ADRA1A: variants seen among roughly 807,000 people sequenced by gnomAD.
ADRA1A encodes adrenoceptor alpha 1A.
In ADRA1A, 31 loss-of-function variants were observed where a neutral mutation model predicts 29.6. The observed-to-expected ratio is 1.05, with a 90% CI of 0.79 to 1.41. ADRA1A has a LOEUF of 1.41. ADRA1A is among the 40% of genes most tolerant of loss of function. ADRA1A has a pLI of 0.00. For missense variants in ADRA1A, 619 were observed against 601.1 expected (o/e 1.03, Z -0.31); for synonymous variants, 311 against 254.3 (o/e 1.22, Z -2.12).
chr8:26,767,683 G>A (rs555485351), downstream of ADRA1A, among the ~76,000 whole-genome samples: 3 of 152,190 alleles, frequency 2.0e-5, no homozygotes, highest in East Asian at 3.9e-4. Flanking sequence ...AAGCTTTCCC[G>A]TATCTAAAAT....
At chr8:26,766,050 A>T (rs531635341), downstream of ADRA1A, 2 of 1,613,662 alleles carry the variant, frequency 1.2e-6, no homozygotes, top group South Asian at 2.2e-5. Context: ...CTACCTGGAG[A>T]TCAGCATTCT....
At chr8:26,765,741 T>A (rs548518075), downstream of ADRA1A, 113 of 1,054,192 alleles carry the variant, frequency 1.1e-4, 1 homozygote, top group African/African-American at 1.7e-3. Flanking sequence ...TTTAATTAAG[T>A]CAACAAGTAT....
At chr8:26,774,938 G>A (rs1245028920) in intron 2 of ADRA1A, among the ~76,000 whole-genome samples, 2 of 152,084 alleles carry the variant, frequency 1.3e-5, no homozygotes, top group Non-Finnish European at 2.9e-5. Context: ...CTGAGGACTG[G>A]CTATGTTTTT....
chr8:26,861,954 A>C (rs1404484107), intron 2 of ADRA1A, among the ~76,000 whole-genome samples: 2 of 152,000 alleles, frequency 1.3e-5, no homozygotes, highest in Non-Finnish European at 2.9e-5. Context: ...CCAAACAGCC[A>C]ATTTTCCCCC....
Position 26,805,221 on chromosome 8 carries a change from G to A in ADRA1A, c.884-34555C>T, listed in dbSNP as rs1388552782. ...CTGCCTACCTGGCTCTTCACGTGAAGTCGCCTTCCTCATTTGTCCACTCTC... is the reference window on the plus strand; with the variant it reads ...CTGCCTACCTGGCTCTTCACGTGAAATCGCCTTCCTCATTTGTCCACTCTC... On this transcript the variant is annotated intron_variant, in intron 2 of 2. Transcript: ENST00000380573. The surrounding 1 kb of genome is among the most constrained non-coding windows in gnomAD (Gnocchi z 4.8). Among the ~76,000 whole-genome samples the A allele has an allele frequency of 6.6e-6, 1 of 152,210 alleles. No homozygotes were observed. The highest frequency in any genetic ancestry group is 1.5e-5 in the Non-Finnish European group (1 of 68,036).
At chr8:26,854,514 T>G (rs1011571713) in intron 2 of ADRA1A, 1 of 151,000 alleles carries the variant, frequency 6.6e-6, no homozygotes, top group African/African-American at 2.4e-5. Flanking sequence ...CCTGTTAATG[T>G]GGCAGCCAGT....
chr8:26,766,235 T>A (rs1008305606), downstream of ADRA1A: 4 of 947,416 alleles, frequency 4.2e-6, no homozygotes, highest in African/African-American at 4.9e-5. Context: ...AAAAGGGATG[T>A]ACTTCCCAAA....
chr8:26,855,142 A>C (rs899303243), intron 2 of ADRA1A, among the ~76,000 whole-genome samples: 4 of 152,208 alleles, frequency 2.6e-5, no homozygotes, highest in African/African-American at 7.2e-5. Context: ...CAAGAGACTG[A>C]ATATGCAAAG....
At position 26,865,668 on chromosome 8, in the gene ADRA1A, A is replaced by G. The variant is rs1425451533; in HGVS notation, c.-686-13T>C. Reference sequence around the variant, plus strand: ...TGACCGCGTCCACCTGAAAGAGCGCAAAGAGAAAGGCGGCTTTGAGCTAGG... The same window carrying G: ...TGACCGCGTCCACCTGAAAGAGCGCGAAGAGAAAGGCGGCTTTGAGCTAGG... On this transcript the variant is annotated splice_polypyrimidine_tract_variant and intron_variant, in intron 1 of 2. Coordinates refer to ENST00000380573, the MANE Select transcript of ADRA1A (RefSeq NM_000680.4). The surrounding 1 kb of genome is among the most constrained non-coding windows in gnomAD (Gnocchi z 7.6). The G allele has an allele frequency of 1.0e-6, 1 of 985,992 alleles. No individual in the cohort carries two copies. The highest frequency in any genetic ancestry group is 6.1e-5 in the Admixed American group (1 of 16,266). The allele number at this position is 985,992 out of a possible 1,614,324, so 61.1% of individuals were successfully genotyped here.
At chr8:26,802,287 C>A (rs1808640708) in intron 2 of ADRA1A, among the ~76,000 whole-genome samples, 1 of 152,144 alleles carries the variant, frequency 6.6e-6, no homozygotes, top group Non-Finnish European at 1.5e-5. Context: ...AGTGAAGACA[C>A]AATCCACAGA....
chr8:26,861,957 T>G (rs928963939), intron 2 of ADRA1A, among the ~76,000 whole-genome samples: 10 of 151,792 alleles, frequency 6.6e-5, no homozygotes, highest in African/African-American at 2.4e-4. Flanking sequence ...AACAGCCAAT[T>G]TTCCCCCCAA....
intron 2 of ADRA1A, among the ~76,000 whole-genome samples, chr8:26,863,084 A>G (rs967093538): frequency 1.3e-5 from 2 of 152,230 alleles, no homozygotes; most frequent in Admixed American, 6.5e-5. Context: ...TATGCCATTT[A>G]AATTAGGCTG....
rs891400514 is a variant in ADRA1A, at chr8:26,821,597, C to T, written c.883+42490G>A. Among the ~76,000 whole-genome samples, 2 of 152,146 alleles carry T rather than the reference C, an allele frequency of 1.3e-5. No individual in the cohort carries two copies. The highest frequency in any genetic ancestry group is 2.9e-5 in the Non-Finnish European group (2 of 68,026). ...ATTTGGAGGGGGCAAACATTCAAAC[C>T]ACATTACCAGGTTTCATCCAATGGC... is the stretch of plus-strand genomic sequence containing the variant. On this transcript the variant is annotated intron_variant, in intron 2 of 2. Coordinates refer to ENST00000380573, the MANE Select transcript of ADRA1A (RefSeq NM_000680.4). This position sits in a 1 kb window ranked among gnomAD's most constrained non-coding sequence, Gnocchi z 5.6.
intron 2 of ADRA1A, chr8:26,835,714 A>G (rs1332659443): frequency 6.6e-6 from 1 of 152,162 alleles, no homozygotes; most frequent in Non-Finnish European, 1.5e-5. Context: ...TACTCAAACT[A>G]TGTCAGGTAG....
chr8:26,764,929 C>A (rs75691310), downstream of ADRA1A, among the ~76,000 whole-genome samples: 253 of 152,244 alleles, frequency 1.7e-3, 4 homozygotes, highest in East Asian at 0.043. Flanking sequence ...TAGTAATAAT[C>A]ATTTCCAGTT....
intron 2 of ADRA1A, among the ~76,000 whole-genome samples, chr8:26,847,314 C>T (rs916971020): frequency 6.6e-5 from 10 of 152,142 alleles, no homozygotes; most frequent in Non-Finnish European, 4.4e-5. Flanking sequence ...TTGCCAAGTG[C>T]CTCCTGGAGG....
chr8:26,757,006 A>G, intron 2 of ADRA1A: 1 of 722,574 alleles, frequency 1.4e-6, no homozygotes, highest in Non-Finnish European at 2.5e-6. Context: ...GCTCCCTGTG[A>G]GATGATGCTT....
chr8:26,827,661 T>C (rs1810675335), intron 2 of ADRA1A, among the ~76,000 whole-genome samples: 1 of 152,100 alleles, frequency 6.6e-6, no homozygotes, highest in Non-Finnish European at 1.5e-5. Flanking sequence ...GCTCAATTTA[T>C]TTATTTTTTC....
At chr8:26,750,789 G>A (rs1804889061) in intron 2 of ADRA1A, among the ~76,000 whole-genome samples, 1 of 152,202 alleles carries the variant, frequency 6.6e-6, no homozygotes, top group African/African-American at 2.4e-5. Flanking sequence ...TAAGTTGTAG[G>A]CTGGGTGCAG....
Sources: gnomAD v4.1 joint callset for allele counts (sites outside exome capture counted in the v4.1 genomes callset) on GRCh38, gnomAD v4.1.1 for gene constraint, Gnocchi (gnomAD v3.1) non-coding constraint, MANE v1.5 for transcripts, NCBI Gene and HGNC (gene_info 2026-07-23, HGNC 2026-07-21) for gene names.